Variants in HORMAD1 observed in about 807,000 individuals in gnomAD.
HORMAD1 encodes the protein HORMA domain-containing protein 1.
A neutral mutation model predicts 58.2 loss-of-function variants in HORMAD1; 33 were observed. The observed-to-expected ratio is 0.57, with a 90% CI of 0.43 to 0.76. The LOEUF is 0.76. Among genes scored for constraint, HORMAD1 ranks in the 30% least tolerant of loss-of-function variants. The pLI is 0.00. For missense variants in HORMAD1, 363 were observed against 462.0 expected (o/e 0.79, Z 1.96); for synonymous variants, 137 against 144.6 (o/e 0.95, Z 0.38).
In HORMAD1 at chr1:150,700,148, T is replaced by A. The variant is rs760138591; in HGVS notation, c.1068A>T (p.Glu356Asp). 1 of 1,582,548 alleles carries A rather than the reference T, an allele frequency of 6.3e-7. No individual in the cohort carries two copies. Among genetic ancestry groups the A allele is most frequent in the South Asian group, 1.1e-5 (1 of 90,372 alleles). ...NGNQPVKSSKENRKRSQHESG... is the reference protein window; with the variant it reads ...NGNQPVKSSKDNRKRSQHESG... ...ATTCATGTTGACTTCTCTTCCGATT[T>A]TCTTTGGAAGATTTTACTGGTTGAT... Residue 356 changes from glutamate to aspartate, a missense_variant, in exon 14 of 15, where the codon GAA becomes GAT. Physicochemically the swap from Glu to Asp is conservative, Grantham distance 45. Around this residue, in one of 3 missense-constraint regions of HORMAD1, gnomAD observed 226 missense variants for 257.8 expected, o/e 0.88. Transcript: ENST00000361824.
Position 150,704,110 on chromosome 1 carries a change from G to GTT in HORMAD1, c.948+6_948+7dup, listed in dbSNP as rs770111134. 3 of 1,557,874 alleles carry GTT rather than the reference G, an allele frequency of 1.9e-6. No homozygotes were observed. The South Asian group carries it at 3.6e-5, about 19-fold the overall frequency. ...AACAAAAGTGAGATGAAACTATCAAGTTTATACCTGAGAATGAGAAATAGA... is the reference window on the plus strand; with the variant it reads ...AACAAAAGTGAGATGAAACTATCAAGTTTTTATACCTGAGAATGAGAAATAGA... On this transcript the variant is annotated splice_region_variant and intron_variant, in intron 12 of 14. Coordinates refer to ENST00000361824, the MANE Select transcript of HORMAD1 (RefSeq NM_032132.5).
At position 150,703,377 on chromosome 1, in the gene HORMAD1, T is replaced by C. The variant is rs1354680425; in HGVS notation, c.965A>G (p.Asn322Ser). The C allele has an allele frequency of 3.2e-6, 5 of 1,565,538 alleles. No individual in the cohort carries two copies. Among genetic ancestry groups the C allele is most frequent in the Admixed American group, 1.7e-5 (1 of 57,198 alleles). The change falls in exon 13 of 15, where the codon AAT becomes AGT. Residue 322 changes from asparagine to serine, a missense_variant. Physicochemically the swap from Asn to Ser is conservative, Grantham distance 46 (BLOSUM62 1). Transcript: ENST00000361824. The part of the protein sequence containing the change: ...ISHSQVEQLV[N>S]KTSELDMSES... ...AGACATATCAAGTTCAGATGTTTTA[T>C]TGACTAACTGCTCAACCTAAAAAAG... is the stretch of plus-strand genomic sequence containing the variant.
chr1:150,698,582 G>A lies in HORMAD1; in HGVS notation c.*72C>T, dbSNP rs928737869. ...CTACATATACATCTTCAGAGTTAGG[G>A]AAATATAATATAGGGTCCTTCAGTT... On this transcript the variant is annotated 3_prime_UTR_variant, in exon 15 of 15. Transcript: ENST00000361824. 4.2e-5 allele frequency: 33 copies of A among 792,942 alleles called. No homozygotes were observed. The highest frequency in any genetic ancestry group is 6.4e-5 in the Non-Finnish European group (31 of 481,216). 49.1% of individuals were successfully genotyped at this position (792,942 alleles called of 1,614,324 possible).
At chr1:150,720,476 T>C (rs587643392) in intron 1 of HORMAD1, among the ~76,000 whole-genome samples, 11 of 152,276 alleles carry the variant, frequency 7.2e-5, no homozygotes, top group Admixed American at 3.3e-4. Flanking sequence ...GGAAGTTGTG[T>C]GTCCGGAACC....
At chr1:150,720,402 C>A (rs889315123) in intron 1 of HORMAD1, among the ~76,000 whole-genome samples, 2 of 152,120 alleles carry the variant, frequency 1.3e-5, no homozygotes, top group African/African-American at 4.8e-5. Context: ...GGGGTTTCGC[C>A]ATGTTGGTCA....
At position 150,703,341 on chromosome 1, in the gene HORMAD1, GT is replaced by G. The variant is rs767590038; in HGVS notation, c.1000del (p.Thr334GlnfsTer18). Reference protein sequence around the residue: ...TSELDMSESKTRSGKVFQNKM... With the variant: ...TSELDMSESKXRSGKVFQNKM... ...ATTCTGAAAGACTTTTCCACTTCTT[GT>G]TTTGCTTTCAGACATATCAAGTTCA... On this transcript the variant is annotated frameshift_variant, in exon 13 of 15. Transcript: ENST00000361824. LOFTEE classifies it high-confidence loss of function. 92 of 1,581,104 alleles carry G rather than the reference GT, an allele frequency of 5.8e-5. No homozygotes were observed. The highest frequency in any genetic ancestry group is 6.0e-6 in the Non-Finnish European group (7 of 1,157,426).
chr1:150,709,620 C>A (rs1433005935), intron 7 of HORMAD1, among the ~76,000 whole-genome samples: 1 of 151,768 alleles, frequency 6.6e-6, no homozygotes, highest in East Asian at 1.9e-4. Context: ...TGACCGTCCC[C>A]CAGCCCGACA....
At chr1:150,701,433 T>A (rs1651534247) in intron 13 of HORMAD1, among the ~76,000 whole-genome samples, 1 of 152,146 alleles carries the variant, frequency 6.6e-6, no homozygotes, top group Non-Finnish European at 1.5e-5. Flanking sequence ...GGCACTATAA[T>A]GAGTAGTGTT....
intron 5 of HORMAD1, chr1:150,713,648 CCTT>C (rs1342334874): frequency 1.8e-5 from 3 of 167,424 alleles, no homozygotes; most frequent in Non-Finnish European, 3.8e-5. Context: ...CATCTTAAAA[CCTT>C]CTTAATTTTG....
intron 7 of HORMAD1, among the ~76,000 whole-genome samples, chr1:150,710,108 C>T (rs587630869): frequency 3.3e-5 from 5 of 152,294 alleles, no homozygotes; most frequent in South Asian, 4.2e-4. Flanking sequence ...CCTGGGCCTA[C>T]TATTGTTTCT....
chr1:150,707,132 A>G (rs973833693), intron 9 of HORMAD1, among the ~76,000 whole-genome samples: 4 of 152,220 alleles, frequency 2.6e-5, no homozygotes, highest in Admixed American at 2.0e-4. Flanking sequence ...TAAAATGTTG[A>G]GAAGAGAACT....
chr1:150,700,909 G>GTATAT (rs1341724291), intron 13 of HORMAD1, among the ~76,000 whole-genome samples: 2 of 152,012 alleles, frequency 1.3e-5, no homozygotes, highest in Admixed American at 1.3e-4. Flanking sequence ...GAATAATGCT[G>GTATAT]TATATATAGT....
In HORMAD1 at chr1:150,719,670, A is replaced by G. The variant is rs112647420; in HGVS notation, c.-33-132T>C. On this transcript the variant is annotated intron_variant, in intron 1 of 14. Coordinates refer to ENST00000361824, the MANE Select transcript of HORMAD1 (RefSeq NM_032132.5). Reference sequence around the variant, plus strand: ...TTCTTTAATTAAAATAGAGTCTTCAAAAACGTAGAGGTCGATATTGCAGTA... The same window carrying G: ...TTCTTTAATTAAAATAGAGTCTTCAGAAACGTAGAGGTCGATATTGCAGTA... 2,841 of 490,516 alleles carry G rather than the reference A, an allele frequency of 5.8e-3. 56 individuals are homozygous for G. The highest frequency in any genetic ancestry group is 0.052 in the African/African-American group (2,570 of 49,824). 30.4% of individuals were successfully genotyped at this position (490,516 alleles called of 1,614,324 possible).
In HORMAD1 at chr1:150,698,406, A is replaced by ATCT. The variant is rs1410646833; in HGVS notation, c.*247_*248insAGA. On this transcript the variant is annotated 3_prime_UTR_variant, in exon 15 of 15. Transcript: ENST00000361824. ...AAATATTAAGTAGGTAATGAACAAA[A>ATCT]TCAATTTTGAAATTTTACTTATTAC... 3.7e-6 allele frequency: 1 copy of ATCT among 270,116 alleles called. No individual in the cohort carries two copies. The highest frequency in any genetic ancestry group is 6.9e-6 in the Non-Finnish European group (1 of 145,306). 16.7% of individuals were successfully genotyped at this position (270,116 alleles called of 1,614,324 possible).
At chr1:150,707,544 G>A (rs1029415070) in intron 9 of HORMAD1, among the ~76,000 whole-genome samples, 2 of 152,116 alleles carry the variant, frequency 1.3e-5, no homozygotes, top group African/African-American at 4.8e-5. Context: ...TCTCACTATA[G>A]AATTTCTGGA....
chr1:150,715,139 AG>A (rs1557800388), intron 3 of HORMAD1, among the ~76,000 whole-genome samples: 1 of 152,170 alleles, frequency 6.6e-6, no homozygotes, highest in Non-Finnish European at 1.5e-5. Context: ...AAAGGAAGAA[AG>A]GTTATATGAA....
In HORMAD1 at chr1:150,711,560, G is replaced by T; in HGVS notation, c.312C>A (p.Asn104Lys). The change falls in exon 7 of 15, where the codon AAC becomes AAA. Residue 104 changes from asparagine to lysine, a missense_variant. Physicochemically the swap from Asn to Lys is moderately conservative, Grantham distance 94 (BLOSUM62 0). This residue lies in a region of HORMAD1 where 128 missense variants were observed against 171.8 expected (regional missense o/e 0.74). Transcript: ENST00000361824. ...LRMVVLAVYT[N>K]PEDPQTISEC... ...GCACACTTACCTGAGGATCTTCTGGGTTTGTGTATACCTATTTAAAAACAA... is the reference window on the plus strand; with the variant it reads ...GCACACTTACCTGAGGATCTTCTGGTTTTGTGTATACCTATTTAAAAACAA... 1 of 1,600,726 alleles carries T rather than the reference G, an allele frequency of 6.2e-7. No individual in the cohort carries two copies. The highest frequency in any genetic ancestry group is 8.6e-7 in the Non-Finnish European group (1 of 1,168,446).
chr1:150,707,005 T>G (rs1465247240), intron 9 of HORMAD1, among the ~76,000 whole-genome samples, 196 bp from the exon 10 acceptor site: 1 of 152,254 alleles, frequency 6.6e-6, no homozygotes, highest in East Asian at 1.9e-4. Flanking sequence ...TTCACTTGAC[T>G]GTCTGTGACC....
intron 4 of HORMAD1, 116 bp from the exon 5 acceptor site, chr1:150,714,237 C>T (rs973583234): frequency 1.6e-6 from 1 of 611,650 alleles, no homozygotes; most frequent in African/African-American, 1.9e-5. Flanking sequence ...CTTATTAAAG[C>T]TCCCTTCTTA....
Sources: allele counts gnomAD v4.1 joint callset (sites outside exome capture counted in the v4.1 genomes callset), GRCh38; gene constraint gnomAD v4.1.1; regional missense constraint gnomAD v4.1.1; transcripts MANE v1.5; gene names NCBI Gene and HGNC (gene_info 2026-07-23, HGNC 2026-07-21).